Variants in TRIM5 observed in about 807,000 individuals in gnomAD.
TRIM5 encodes tripartite motif containing 5, also known as tripartite motif-containing protein 5.
A neutral mutation model predicts 35.6 loss-of-function variants in TRIM5; 31 were observed. The observed-to-expected ratio is 0.87, with a 90% confidence interval of 0.65 to 1.18. The LOEUF (loss-of-function observed/expected upper bound fraction) is 1.18, where lower values mean the gene tolerates loss of function less well. TRIM5 is among the 50% of genes most tolerant of loss of function. The pLI, the probability that TRIM5 is intolerant of heterozygous loss-of-function variation, is 0.00. For missense variants in TRIM5, 609 were observed against 591.6 expected (o/e 1.03, Z -0.31); for synonymous variants, 243 against 215.6 (o/e 1.13, Z -1.11).
At chr11:5,656,904 G>A in the TRIM5 span, among the ~76,000 whole-genome samples, 2 of 152,268 alleles carry the variant, frequency 1.3e-5, no homozygotes, top group African/African-American at 4.8e-5. Flanking sequence ...ATAGTGTGGC[G>A]ATTCCTCAAG....
downstream of TRIM5, among the ~76,000 whole-genome samples, chr11:5,661,041 C>CAAAAAAAAAAAAAAAAAAAAAAAAAAA (rs61394016): frequency 2.7e-5 from 1 of 37,120 alleles, no homozygotes; most frequent in East Asian, 9.7e-4. Context: ...GACTCCGTCT[C>CAAAAAAAAAAAAAAAAAAAAAAAAAAA]AAAAAAAAAA....
chr11:5,631,898 TGATAATAAAAGAAA>T, the TRIM5 span, among the ~76,000 whole-genome samples: 1 of 152,102 alleles, frequency 6.6e-6, no homozygotes, highest in South Asian at 2.1e-4. Flanking sequence ...AAATAGATAA[TGATAATAAAAGAAA>T]GATGGCAAAT....
the TRIM5 span, chr11:5,608,371 G>C: frequency 6.8e-6 from 11 of 1,613,396 alleles, no homozygotes; most frequent in Non-Finnish European, 9.3e-6. Flanking sequence ...TTCCTTCCTA[G>C]GATGTGAGTG....
At chr11:5,623,570 G>A in the TRIM5 span, among the ~76,000 whole-genome samples, 1 of 144,376 alleles carries the variant, frequency 6.9e-6, no homozygotes, top group East Asian at 2.0e-4. Context: ...TAGTAGAGAC[G>A]GGGGTTTCAC....
At chr11:5,677,035 A>AG (rs1403870627) in intron 4 of TRIM5, among the ~76,000 whole-genome samples, 34 of 152,344 alleles carry the variant, frequency 2.2e-4, no homozygotes, top group African/African-American at 7.5e-4. Context: ...TTCAGGACAT[A>AG]GGCATGGACA....
chr11:5,675,677 T>C (rs1027405787), intron 4 of TRIM5, among the ~76,000 whole-genome samples: 13 of 146,466 alleles, frequency 8.9e-5, no homozygotes, highest in Non-Finnish European at 1.8e-4. Context: ...TTTTTTTTTT[T>C]CTTCTGTTGT....
In TRIM5 at chr11:5,665,195, A is replaced by T; in HGVS notation, c.1096T>A (p.Ser366Thr). The change falls in exon 8 of 8, where the codon TCC (serine) becomes ACC (threonine). Residue 366 changes from serine to threonine, a missense_variant. Transcript: ENST00000380034. Reference protein sequence around the residue: ...SGKHYWEVDVSKKTAWILGVC... With the variant: ...SGKHYWEVDVTKKTAWILGVC... ...CCCAGGATCCAAGCAGTTTTCTTGG[A>T]CACGTCTACCTCCCAGTAATGTTTC... 1 of 1,614,118 alleles carries T rather than the reference A, an allele frequency of 6.2e-7. No homozygotes were observed. Among genetic ancestry groups the T allele is most frequent in the Non-Finnish European group, 8.5e-7 (1 of 1,179,994 alleles).
the TRIM5 span, chr11:5,588,932 T>C: frequency 1.3e-5 from 2 of 152,054 alleles, no homozygotes; most frequent in African/African-American, 2.4e-5. Flanking sequence ...TACAGGCACA[T>C]GTCACCACAC....
At chr11:5,609,942 T>TA in the TRIM5 span, among the ~76,000 whole-genome samples, 48 of 152,262 alleles carry the variant, frequency 3.2e-4, no homozygotes, top group South Asian at 6.8e-3. Flanking sequence ...AGTTAAATCT[T>TA]ACACAAGTTT....
chr11:5,632,479 A>C, the TRIM5 span: 1 of 1,614,080 alleles, frequency 6.2e-7, no homozygotes. Flanking sequence ...AGTGACCAGC[A>C]TGGGAGGAAA....
chr11:5,599,524 C>T, the TRIM5 span, among the ~76,000 whole-genome samples: 1 of 152,070 alleles, frequency 6.6e-6, no homozygotes, highest in Non-Finnish European at 1.5e-5. Context: ...CTGCCTCAGC[C>T]TCCCGAGTAG....
At chr11:5,678,541 G>T in intron 3 of TRIM5, 107 bp from the exon 4 acceptor site, 1 of 843,936 alleles carries the variant, frequency 1.2e-6, no homozygotes. Context: ...AGGGGACATA[G>T]TAGCAGGAGA....
the TRIM5 span, among the ~76,000 whole-genome samples, chr11:5,623,600 T>G: frequency 6.6e-6 from 1 of 150,694 alleles, no homozygotes; most frequent in African/African-American, 2.4e-5. Flanking sequence ...CAGGGTGGTC[T>G]CGAACTCCTG....
the TRIM5 span, chr11:5,596,533 CCT>C: frequency 1.1e-4 from 3 of 26,858 alleles, no homozygotes; most frequent in Non-Finnish European, 2.4e-4. Context: ...CCCCCTTCCC[CCT>C]TCCCCCTTCC....
the TRIM5 span, among the ~76,000 whole-genome samples, chr11:5,637,830 G>A: frequency 1.3e-5 from 2 of 152,184 alleles, no homozygotes; most frequent in South Asian, 4.1e-4. Flanking sequence ...CCTCATGTAA[G>A]TGGAATCATA....
chr11:5,640,190 C>T, the TRIM5 span, among the ~76,000 whole-genome samples: 43,243 of 151,990 alleles, frequency 0.28, 6,942 homozygotes, highest in East Asian at 0.62. Context: ...ACATCCTTGT[C>T]TTTTCTGATC....
the TRIM5 span, among the ~76,000 whole-genome samples, chr11:5,640,296 A>G: frequency 6.6e-6 from 1 of 152,102 alleles, no homozygotes; most frequent in Non-Finnish European, 1.5e-5. Context: ...CCTCTCTTCT[A>G]TTCCAAGTTT....
chr11:5,592,339 A>G, the TRIM5 span, among the ~76,000 whole-genome samples: 1 of 152,176 alleles, frequency 6.6e-6, no homozygotes, highest in Non-Finnish European at 1.5e-5. Flanking sequence ...AGTACTCCAC[A>G]TATACTTGCA....
At chr11:5,639,276 G>GT in the TRIM5 span, among the ~76,000 whole-genome samples, 1 of 152,066 alleles carries the variant, frequency 6.6e-6, no homozygotes, top group African/African-American at 2.4e-5. Flanking sequence ...GATTGTTCTG[G>GT]TTGCTAATGG....
Sources: allele counts gnomAD v4.1 joint callset (sites outside exome capture counted in the v4.1 genomes callset), GRCh38; gene constraint gnomAD v4.1.1; transcripts MANE v1.5; gene names NCBI Gene and HGNC (gene_info 2026-07-23, HGNC 2026-07-21).